PCDHAC2: variants seen among roughly 807,000 people sequenced by gnomAD.
PCDHAC2 encodes protocadherin alpha subfamily C, 2.
A neutral mutation model predicts 63.3 loss-of-function variants in PCDHAC2; 24 were observed. The observed-to-expected ratio is 0.38, with a 90% confidence interval of 0.27 to 0.53. The LOEUF (loss-of-function observed/expected upper bound fraction) is 0.53. Ranked by LOEUF, PCDHAC2 falls within the 20% of genes least tolerant of loss-of-function variation. The pLI is 0.81. For synonymous variants in PCDHAC2, 569 were observed against 529.4 expected, an observed-to-expected ratio of 1.07 and a Z score of -1.03; for missense variants, 1,181 against 1,275.2, an observed-to-expected ratio of 0.93 and a Z score of 1.12.
chr5:141,005,164 G>A (rs782398186), intron 3 of PCDHAC2, among the ~76,000 whole-genome samples: 2 of 152,178 alleles, frequency 1.3e-5, no homozygotes, highest in Non-Finnish European at 2.9e-5. Context: ...TAAAGAGTGG[G>A]TACCACTTTC....
At position 141,010,080 on chromosome 5, in the gene PCDHAC2, G is replaced by C. The variant is rs2098415967; in HGVS notation, c.*143G>C. On this transcript the variant is annotated 3_prime_UTR_variant, in exon 4 of 4. Transcript: ENST00000289269. The stretch of plus-strand genomic sequence containing the variant: ...AATCTGCAGAAAGTTCCCTGTGTCT[G>C]TCTAGAACGCATTTAACAGGTTTTG... 1 of 1,611,462 alleles carries C rather than the reference G, an allele frequency of 6.2e-7. No homozygotes were observed. The highest frequency in any genetic ancestry group is 1.1e-5 in the South Asian group (1 of 90,590).
Position 140,967,716 on chromosome 5 carries a change from T to C in PCDHAC2, c.950T>C (p.Val317Ala). ...LFSIDASTGE[V>A]RVIGGLDYEE... ...AGCATAGATGCCAGTACCGGGGAAG[T>C]GCGAGTAATTGGGGGGCTGGATTAT... The change falls in exon 1 of 4, where the codon GTG becomes GCG. Residue 317 changes from valine to alanine, a missense_variant. Val to Ala is a moderately conservative substitution (Grantham distance 64, BLOSUM62 0). Around this residue, in one of 3 missense-constraint regions of PCDHAC2, gnomAD observed 968 missense variants for 1,073.5 expected, o/e 0.90. Coordinates refer to ENST00000289269, the MANE Select transcript of PCDHAC2 (RefSeq NM_018899.6). The C allele has an allele frequency of 1.2e-6, 2 of 1,613,914 alleles. No individual in the cohort carries two copies. The highest frequency in any genetic ancestry group is 1.7e-6 in the Non-Finnish European group (2 of 1,179,976).
Position 140,966,826 on chromosome 5 carries a change from GC to G in PCDHAC2, c.63del (p.Trp22GlyfsTer73). On this transcript the variant is annotated frameshift_variant, in exon 1 of 4. Transcript: ENST00000289269. LOFTEE classifies it high-confidence loss of function. ...TEHPRLRRPM[P>X]WLLLLPLLLL... ...AGCATCCACGGCTCCGGCGGCCCAT[GC>G]CCTGGCTGCTGCTACTGCCTCTCCT... The G allele has an allele frequency of 6.4e-7, 1 of 1,560,690 alleles. No individual in the cohort carries two copies. Among genetic ancestry groups the G allele is most frequent in the Non-Finnish European group, 8.6e-7 (1 of 1,157,284 alleles).
At position 141,009,660 on chromosome 5, in the gene PCDHAC2, G is replaced by C; in HGVS notation, c.2747G>C (p.Gly916Ala). 7 of 1,614,084 alleles carry C rather than the reference G, an allele frequency of 4.3e-6. No homozygotes were observed. Among genetic ancestry groups the C allele is most frequent in the Non-Finnish European group, 5.9e-6 (7 of 1,180,030 alleles). Residue 916 changes from glycine (G) to alanine (A), a missense_variant, in exon 4 of 4, where the codon GGT becomes GCT. Physicochemically the swap from Gly to Ala is moderately conservative, Grantham distance 60 (BLOSUM62 0). Coordinates refer to ENST00000289269, the MANE Select transcript of PCDHAC2 (RefSeq NM_018899.6). ...PEAGEVSPPV[G>A]AGVNSNSWTF... ...GCAGGAGAAGTGTCCCCTCCAGTCGGTGCGGGTGTCAACAGCAACAGCTGG... is the reference window on the plus strand; with the variant it reads ...GCAGGAGAAGTGTCCCCTCCAGTCGCTGCGGGTGTCAACAGCAACAGCTGG...
chr5:140,996,814 G>T (rs1186688734), intron 3 of PCDHAC2, among the ~76,000 whole-genome samples: 1 of 152,144 alleles, frequency 6.6e-6, no homozygotes, highest in African/African-American at 2.4e-5. Flanking sequence ...CTTTCCAAAA[G>T]TAACCACTAC....
rs1342316299 is a variant in PCDHAC2 at position 140,968,947 on chromosome 5, C to T, written c.2181C>T (p.Ser727=). The T allele has an allele frequency of 3.7e-6, 6 of 1,614,042 alleles. No homozygotes were observed. The highest frequency in any genetic ancestry group is 5.1e-6 in the Non-Finnish European group (6 of 1,180,034). Residue 727 remains serine (S), a synonymous_variant, in exon 1 of 4, where the codon AGC becomes AGT. Transcript: ENST00000289269. ...TTCTTTTGACAATCATCATTTTGAG[C>T]ATCATCAAGTGCTACCGCTACACTG... ...FIFLLTIIIL[S]IIKCYRYTAY...
rs781962982 is a variant in PCDHAC2 at position 140,969,203 on chromosome 5, G to T, written c.2437G>T (p.Ala813Ser). Reference protein sequence around the residue: ...SDTFMFYNTGAQTGPGPSGAQ... With the variant: ...SDTFMFYNTGSQTGPGPSGAQ... ...CACTTTCATGTTTTACAATACAGGG[G>T]CCCAGACAGGACCAGGGCCTTCGGG... Residue 813 changes from alanine to serine, a missense_variant, in exon 1 of 4, where the codon GCC becomes TCC. Ala to Ser is a moderately conservative substitution (Grantham distance 99). Transcript: ENST00000289269. 13 of 1,614,178 alleles carry T rather than the reference G, an allele frequency of 8.1e-6. No individual in the cohort carries two copies. Among genetic ancestry groups the T allele is most frequent in the Non-Finnish European group, 1.1e-5 (13 of 1,180,046 alleles).
At chr5:140,980,716 G>T (rs1246125435) in intron 2 of PCDHAC2, among the ~76,000 whole-genome samples, 1 of 151,830 alleles carries the variant, frequency 6.6e-6, no homozygotes, top group Non-Finnish European at 1.5e-5. Context: ...TCCTATTCGG[G>T]TTTCAATTAA....
rs1007708043 is a variant in PCDHAC2 at position 140,967,271 on chromosome 5, A to G, written c.505A>G (p.Ile169Val). 3.1e-6 allele frequency: 5 copies of G among 1,613,338 alleles called. No individual in the cohort carries two copies. The South Asian group carries it at 5.5e-5, about 18-fold the overall frequency. The change falls in exon 1 of 4, where the codon ATA (isoleucine) becomes GTA (valine). Residue 169 changes from isoleucine to valine, a missense_variant. Ile to Val is a conservative substitution (Grantham distance 29). This residue lies in a region of PCDHAC2 where 968 missense variants were observed against 1,073.5 expected (regional missense o/e 0.90). Transcript: ENST00000289269. The stretch of plus-strand genomic sequence containing the variant: ...GGTGGCGCCTGGAGCGCGCTTTCAC[A>G]TAGAGAGTGCGCAGGACCCCGACGT... Reference protein sequence around the residue: ...ESVAPGARFHIESAQDPDVGA... With the variant: ...ESVAPGARFHVESAQDPDVGA...
intron 3 of PCDHAC2, among the ~76,000 whole-genome samples, chr5:141,003,440 T>G (rs1194575812): frequency 6.6e-6 from 1 of 152,100 alleles, no homozygotes; most frequent in Non-Finnish European, 1.5e-5. Flanking sequence ...GCCTCCCAAG[T>G]AGATGAAATT....
At position 140,969,147 on chromosome 5, in the gene PCDHAC2, A is replaced by G. The variant is rs781909774; in HGVS notation, c.2381A>G (p.Lys794Arg). Residue 794 changes from lysine (K) to arginine (R), a missense_variant, in exon 1 of 4, where the codon AAG (lysine) becomes AGG (arginine). Coordinates refer to ENST00000289269, the MANE Select transcript of PCDHAC2 (RefSeq NM_018899.6). ...TCCCTCACCAAGACCTACTGCTACA[A>G]GGCCTGTCTGACAGCAGGCTCAGGG... ...NGSLTKTYCY[K>R]ACLTAGSGSD... The G allele has an allele frequency of 6.2e-7, 1 of 1,614,172 alleles. No individual in the cohort carries two copies. The highest frequency in any genetic ancestry group is 8.5e-7 in the Non-Finnish European group (1 of 1,180,032).
Position 140,966,931 on chromosome 5 carries a change from C to T in PCDHAC2, c.165C>T (p.Gly55=). The T allele has an allele frequency of 6.2e-7, 1 of 1,603,674 alleles. No individual in the cohort carries two copies. Among genetic ancestry groups the T allele is most frequent in the Non-Finnish European group, 8.5e-7 (1 of 1,178,462 alleles). Residue 55 remains glycine, a synonymous_variant, in exon 1 of 4, where the codon GGC becomes GGT. Transcript: ENST00000289269. ...RYSVPEEQAP[G]ALVGNVARAL... ...CTGTGCCAGAGGAGCAGGCACCCGGCGCGCTCGTGGGCAACGTGGCTCGCG... is the reference window on the plus strand; with the variant it reads ...CTGTGCCAGAGGAGCAGGCACCCGGTGCGCTCGTGGGCAACGTGGCTCGCG...
chr5:140,969,372 T>G, intron 1 of PCDHAC2, 41 bp downstream of exon 1: 1 of 1,606,704 alleles, frequency 6.2e-7, no homozygotes, highest in Non-Finnish European at 8.5e-7. Context: ...ACTCATGCAT[T>G]TGTTACACAT....
At chr5:141,007,395 C>CAAAAAAAAAAA (rs35800918) in intron 3 of PCDHAC2, among the ~76,000 whole-genome samples, 6 of 94,856 alleles carry the variant, frequency 6.3e-5, no homozygotes, top group South Asian at 3.5e-4. Flanking sequence ...TACTAAAATA[C>CAAAAAAAAAAA]AAAAAAAAAA....
In PCDHAC2 at chr5:140,967,555, C is replaced by G. The variant is rs782586326; in HGVS notation, c.789C>G (p.Arg263=). The change falls in exon 1 of 4, where the codon CGC becomes CGG. Residue 263 remains arginine (R), a synonymous_variant. Coordinates refer to ENST00000289269, the MANE Select transcript of PCDHAC2 (RefSeq NM_018899.6). The part of the protein sequence containing the change: ...NSPAFDQSTY[R]VQLREDSPPG... ...CTGCCTTTGACCAGTCCACTTATCGCGTCCAGCTACGGGAGGACTCACCCC... is the reference window on the plus strand; with the variant it reads ...CTGCCTTTGACCAGTCCACTTATCGGGTCCAGCTACGGGAGGACTCACCCC... The G allele has an allele frequency of 1.9e-6, 3 of 1,614,008 alleles. No homozygotes were observed. Among genetic ancestry groups the G allele is most frequent in the Non-Finnish European group, 2.5e-6 (3 of 1,179,974 alleles).
intron 3 of PCDHAC2, among the ~76,000 whole-genome samples, chr5:141,006,464 C>T (rs1243356826): frequency 5.9e-5 from 9 of 152,100 alleles, no homozygotes; most frequent in African/African-American, 1.7e-4. Context: ...CTGCCTGTCT[C>T]GGCCTCCCAA....
chr5:140,985,488 A>G (rs1554247116), intron 3 of PCDHAC2, among the ~76,000 whole-genome samples: 1 of 152,156 alleles, frequency 6.6e-6, no homozygotes, highest in Non-Finnish European at 1.5e-5. Flanking sequence ...CCAGACTCAA[A>G]TAGAGCCTGC....
At chr5:140,999,845 T>G (rs1293721817) in intron 3 of PCDHAC2, among the ~76,000 whole-genome samples, 1 of 152,188 alleles carries the variant, frequency 6.6e-6, no homozygotes, top group Non-Finnish European at 1.5e-5. Flanking sequence ...CAAGTGTATT[T>G]ATCTCTTCCG....
chr5:141,001,102 A>T (rs1197761807), intron 3 of PCDHAC2, among the ~76,000 whole-genome samples: 1 of 152,076 alleles, frequency 6.6e-6, no homozygotes, highest in African/African-American at 2.4e-5. Context: ...TCTAATCCAT[A>T]ATAAGCAATC....
Sources: allele counts gnomAD v4.1 joint callset (sites outside exome capture counted in the v4.1 genomes callset), GRCh38; gene constraint gnomAD v4.1.1; regional missense constraint gnomAD v4.1.1; transcripts MANE v1.5; gene names NCBI Gene and HGNC (gene_info 2026-07-23, HGNC 2026-07-21).